The following NUDT3 variants were observed in gnomAD, a reference collection of about 807,000 sequenced individuals.
The protein encoded by NUDT3 is diphosphoinositol polyphosphate phosphohydrolase 1.
Under a neutral mutation model 23.6 loss-of-function variants are expected in NUDT3, and 9 were observed. The ratio of observed to expected loss-of-function variants is 0.38; its 90% CI spans 0.23 to 0.66. The LOEUF (loss-of-function observed/expected upper bound fraction) is 0.66. Ranked by LOEUF, NUDT3 falls within the 30% of genes least tolerant of loss-of-function variation. The pLI is 0.52. For missense variants in NUDT3, 172 were observed against 218.5 expected, an observed-to-expected ratio of 0.79 and a Z score of 1.34; for synonymous variants, 86 against 82.6, an observed-to-expected ratio of 1.04 and a Z score of -0.22.
intron 2 of NUDT3, among the ~76,000 whole-genome samples, chr6:34,298,492 T>C (rs568921280): frequency 2.7e-5 from 4 of 148,948 alleles, no homozygotes; most frequent in Non-Finnish European, 4.4e-5. Flanking sequence ...AAGTACCTAT[T>C]TGAAATAGAC....
In NUDT3 at chr6:34,288,754, C is replaced by T. The variant is rs757700400; in HGVS notation, c.518G>A (p.Ter173=). Residue 173 remains the stop codon, a stop_retained_variant, in exon 5 of 5, where the codon TGA becomes TAA. Transcript: ENST00000607016. ...SAQSSMSGIR[*] ...ATTTCTCTTACAGGAAGTCTTCAGT[C>T]ATCTGATGCCTGACATCGAGCTCTG... 6.2e-7 allele frequency: 1 copy of T among 1,607,786 alleles called. No homozygotes were observed. The highest frequency in any genetic ancestry group is 1.7e-5 in the Admixed American group (1 of 58,034).
rs907289550 is a variant in NUDT3 at position 34,295,778 on chromosome 6, A to G, written c.211-93T>C. On this transcript the variant is annotated intron_variant, in intron 2 of 4. Transcript: ENST00000607016. ...TAAGCAGTTTATAAAATAGAAACAA[A>G]AAACAAGAGGACACAGCTTGGGCAG... 4 of 1,514,228 alleles carry G rather than the reference A, an allele frequency of 2.6e-6. No homozygotes were observed. In the African/African-American group the frequency reaches 4.2e-5, roughly 16 times the overall value. The allele number at this position is 1,514,228 out of a possible 1,614,324, so 93.8% of individuals were successfully genotyped here.
At chr6:34,353,019 A>G (rs1347736491) in intron 1 of NUDT3, among the ~76,000 whole-genome samples, 2 of 152,218 alleles carry the variant, frequency 1.3e-5, no homozygotes, top group African/African-American at 2.4e-5. Flanking sequence ...CATAATGTAT[A>G]TATTCAAAGG....
chr6:34,288,945 G>C lies in NUDT3; in HGVS notation c.341-14C>G. Reference sequence around the variant, plus strand: ...CCCTCTTCCTTCCTGTGGAGGCAGAGAGAAAAGAAACTAGTACAAGAGTAA... The same window carrying C: ...CCCTCTTCCTTCCTGTGGAGGCAGACAGAAAAGAAACTAGTACAAGAGTAA... On this transcript the variant is annotated splice_polypyrimidine_tract_variant and intron_variant, in intron 4 of 4. Coordinates refer to ENST00000607016, the MANE Select transcript of NUDT3 (RefSeq NM_006703.4). The C allele has an allele frequency of 3.1e-6, 5 of 1,589,556 alleles. No individual in the cohort carries two copies. The highest frequency in any genetic ancestry group is 1.7e-4 in the Middle Eastern group (1 of 5,926).
chr6:34,378,732 G>A (rs887237018), intron 1 of NUDT3, among the ~76,000 whole-genome samples: 2 of 152,136 alleles, frequency 1.3e-5, no homozygotes, highest in African/African-American at 2.4e-5. Flanking sequence ...CCTTAGTCCC[G>A]CATCCACATG....
chr6:34,355,697 T>G (rs1160109916), intron 1 of NUDT3, among the ~76,000 whole-genome samples: 37 of 67,356 alleles, frequency 5.5e-4, no homozygotes, highest in South Asian at 2.9e-3. Flanking sequence ...TTTGGGGGGG[T>G]GGGGGGTGGG....
Position 34,283,142 on chromosome 6 carries a change from GC to G in NUDT3, c.*5610del, listed in dbSNP as rs1265068335. The G allele has an allele frequency of 4.0e-5, 6 of 151,660 alleles. No individual in the cohort carries two copies. The highest frequency in any genetic ancestry group is 8.8e-5 in the Non-Finnish European group (6 of 68,006). The allele number at this position is 151,660 out of a possible 1,614,324, so 9.4% of individuals were successfully genotyped here. A position where few individuals can be genotyped will look rare whatever the true frequency, so the allele number is the denominator to read the frequency against. ...CAGAGACAGCCAAAATCATGTGACT[GC>G]TAGCCTCAGCTCAAGTAGTGTGCCC... On this transcript the variant is annotated 3_prime_UTR_variant, in exon 5 of 5. Coordinates refer to ENST00000607016, the MANE Select transcript of NUDT3 (RefSeq NM_006703.4).
intron 2 of NUDT3, among the ~76,000 whole-genome samples, chr6:34,313,929 C>G (rs1763819003): frequency 6.6e-6 from 1 of 151,280 alleles, no homozygotes; most frequent in Non-Finnish European, 1.5e-5. Flanking sequence ...GAAACCCCGT[C>G]TCTACTAAAA....
intron 4 of NUDT3, among the ~76,000 whole-genome samples, chr6:34,290,105 C>T (rs972599517): frequency 6.6e-6 from 1 of 152,166 alleles, no homozygotes; most frequent in Non-Finnish European, 1.5e-5. Flanking sequence ...GGGCCTATCT[C>T]ACAAGTCTGT....
Position 34,293,440 on chromosome 6 carries a change from A to G in NUDT3, c.340+11T>C. On this transcript the variant is annotated intron_variant, in intron 4 of 4. Coordinates refer to ENST00000607016, the MANE Select transcript of NUDT3 (RefSeq NM_006703.4). ...GAGGAACCCTTTCCAGGCTGTCTGG[A>G]GATGGCTTACCAATGTTAACTGAAT... 1 of 1,614,062 alleles carries G rather than the reference A, an allele frequency of 6.2e-7. No homozygotes were observed. Among genetic ancestry groups the G allele is most frequent in the Non-Finnish European group, 8.5e-7 (1 of 1,179,948 alleles).
At chr6:34,348,164 T>C (rs112753011) in intron 1 of NUDT3, among the ~76,000 whole-genome samples, 45 of 151,904 alleles carry the variant, frequency 3.0e-4, no homozygotes, top group African/African-American at 1.0e-3. Context: ...TGTGAGCCTG[T>C]AGTCCCAGCT....
chr6:34,337,228 T>G (rs1161254362), intron 2 of NUDT3, among the ~76,000 whole-genome samples: 1 of 152,230 alleles, frequency 6.6e-6, no homozygotes, highest in African/African-American at 2.4e-5. Context: ...TATGATGATA[T>G]GATTCTCCTC....
chr6:34,301,394 T>C (rs763184372), intron 2 of NUDT3, among the ~76,000 whole-genome samples: 10 of 152,248 alleles, frequency 6.6e-5, no homozygotes, highest in Non-Finnish European at 1.3e-4. Flanking sequence ...CCCATCCCTA[T>C]ATCTAGACTT....
chr6:34,325,447 G>A (rs1486416875), intron 2 of NUDT3, among the ~76,000 whole-genome samples: 3 of 152,212 alleles, frequency 2.0e-5, no homozygotes, highest in African/African-American at 7.2e-5. Flanking sequence ...CTGGGCTCAA[G>A]TGATCCTCCC....
intron 1 of NUDT3, among the ~76,000 whole-genome samples, chr6:34,366,754 G>A (rs752847466): frequency 1.3e-5 from 2 of 152,106 alleles, no homozygotes; most frequent in Non-Finnish European, 2.9e-5. Flanking sequence ...CAGAGTATCA[G>A]TTAGTGAAGA....
intron 1 of NUDT3, among the ~76,000 whole-genome samples, chr6:34,359,041 C>T (rs1230523303): frequency 2.0e-5 from 3 of 152,126 alleles, no homozygotes; most frequent in African/African-American, 7.2e-5. Flanking sequence ...GGAGTTATCA[C>T]AATAAATCAC....
intron 2 of NUDT3, among the ~76,000 whole-genome samples, chr6:34,317,002 G>A (rs1301875919): frequency 1.3e-5 from 2 of 152,200 alleles, no homozygotes; most frequent in Non-Finnish European, 2.9e-5. Context: ...CAGGGGGATA[G>A]TGAGAAGTGG....
intron 1 of NUDT3, among the ~76,000 whole-genome samples, chr6:34,362,664 C>T (rs1233135703): frequency 3.9e-5 from 6 of 152,064 alleles, no homozygotes; most frequent in Non-Finnish European, 8.8e-5. Context: ...CAATATTGGC[C>T]AGGCTGGTCT....
intron 1 of NUDT3, among the ~76,000 whole-genome samples, chr6:34,346,853 G>T (rs552559301): frequency 4.6e-5 from 7 of 152,256 alleles, no homozygotes; most frequent in African/African-American, 1.7e-4. Flanking sequence ...ACTCCTTGGC[G>T]GTAGAGATCC....
Sources: allele counts gnomAD v4.1 joint callset (sites outside exome capture counted in the v4.1 genomes callset), GRCh38; gene constraint gnomAD v4.1.1; transcripts MANE v1.5; gene names NCBI Gene and HGNC (gene_info 2026-07-23, HGNC 2026-07-21).